Variants in ADGRL2 observed in about 807,000 individuals in gnomAD.
The protein encoded by ADGRL2 is calcium-independent alpha-latrotoxin receptor 2.
In ADGRL2, 44 loss-of-function variants were observed where a neutral mutation model predicts 157.4. The observed-to-expected ratio is 0.28, with a 90% CI of 0.22 to 0.36. ADGRL2 has a LOEUF of 0.36. Among genes scored for constraint, ADGRL2 ranks in the 10% least tolerant of loss-of-function variants. ADGRL2 has a pLI of 1.00. For missense variants in ADGRL2, 1,510 were observed against 1,768.9 expected, an observed-to-expected ratio of 0.85 and a Z score of 2.63; for synonymous variants, 585 against 624.7, an observed-to-expected ratio of 0.94 and a Z score of 0.95.
rs185354832 is a variant in ADGRL2, at chr1:81,428,151, G to T, written c.-301-16885G>T. Among the ~76,000 whole-genome samples the T allele has an allele frequency of 3.0e-3, 451 of 152,220 alleles. 3 individuals are homozygous for T. The highest frequency in any genetic ancestry group is 0.01 in the African/African-American group (434 of 41,532). ...AAAGAAACATTTGCTGACTTGCAAT[G>T]TAAGGGGAATCTATTCTCCCCATTT... is the stretch of plus-strand genomic sequence containing the variant. On this transcript the variant is annotated intron_variant, in intron 1 of 24. Coordinates refer to the ADGRL2 transcript ENST00000370721.
chr1:81,823,112 C>T (rs1015142985), intron 1 of ADGRL2, among the ~76,000 whole-genome samples: 6 of 151,032 alleles, frequency 4.0e-5, no homozygotes, highest in East Asian at 1.9e-4. Flanking sequence ...AGGAGGTCTC[C>T]GAGTTAGTTC....
intron 1 of ADGRL2, among the ~76,000 whole-genome samples, chr1:81,819,188 A>G (rs2090731152): frequency 6.6e-6 from 1 of 152,196 alleles, no homozygotes; most frequent in African/African-American, 2.4e-5. Context: ...GGTGGACGAC[A>G]GTCCTTGGTG....
At chr1:81,796,818 C>A (rs2087612976), upstream of ADGRL2, among the ~76,000 whole-genome samples, 1 of 152,096 alleles carries the variant, frequency 6.6e-6, no homozygotes, top group South Asian at 2.1e-4. Flanking sequence ...TTACATTATA[C>A]TTTAAACTGT....
chr1:81,641,100 T>C (rs1401751814), intron 3 of ADGRL2, among the ~76,000 whole-genome samples: 5 of 152,246 alleles, frequency 3.3e-5, no homozygotes, highest in Non-Finnish European at 7.3e-5. Flanking sequence ...TAATTCTATT[T>C]ATGGAATGAA....
intron 19 of ADGRL2, 41 bp downstream of exon 19, chr1:81,982,017 C>A (rs1312100267): frequency 1.3e-6 from 2 of 1,514,554 alleles, no homozygotes; most frequent in African/African-American, 1.4e-5. Context: ...GTTACTCATT[C>A]TTTGATTTGA....
chr1:81,958,176 G>C (rs1372303203), intron 11 of ADGRL2, among the ~76,000 whole-genome samples: 1 of 151,890 alleles, frequency 6.6e-6, no homozygotes, highest in Non-Finnish European at 1.5e-5. Context: ...AGAATCCCTC[G>C]AACCTGGGAG....
At chr1:81,735,414 C>G (rs1473585324) in intron 1 of ADGRL2, 1 of 151,082 alleles carries the variant, frequency 6.6e-6, no homozygotes, top group Non-Finnish European at 1.5e-5. Context: ...TACCACATAC[C>G]AATGACCTCC....
intron 1 of ADGRL2, among the ~76,000 whole-genome samples, chr1:81,352,941 T>C (rs1285355552): frequency 1.3e-5 from 2 of 152,084 alleles, no homozygotes; most frequent in Admixed American, 1.3e-4. Context: ...ACAAAACAAT[T>C]TTTTTTAAAT....
At chr1:81,332,118 A>G (rs1176971162) in intron 1 of ADGRL2, among the ~76,000 whole-genome samples, 2 of 152,184 alleles carry the variant, frequency 1.3e-5, no homozygotes, top group African/African-American at 4.8e-5. Context: ...ATGTCATGAT[A>G]GAAGGTTTCC....
intron 1 of ADGRL2, among the ~76,000 whole-genome samples, chr1:81,823,859 A>C (rs10157355): frequency 0.14 from 21,361 of 152,170 alleles, 1,664 homozygotes; most frequent in East Asian, 0.2. Flanking sequence ...GAGCAAATTA[A>C]ATAATATTTA....
chr1:81,431,525 A>G (rs1332396564), intron 1 of ADGRL2, among the ~76,000 whole-genome samples: 3 of 152,196 alleles, frequency 2.0e-5, no homozygotes, highest in Non-Finnish European at 4.4e-5. Context: ...CTGAAGACAG[A>G]GAATTAGCAG....
intron 8 of ADGRL2, 76 bp downstream of exon 8, chr1:81,951,197 G>A (rs1651685201): frequency 3.4e-5 from 34 of 1,011,294 alleles, no homozygotes; most frequent in Middle Eastern, 4.2e-4. Context: ...TTAGCTTTGT[G>A]TGTTAAAACC....
At chr1:81,776,671 C>T (rs1251820126) in intron 2 of ADGRL2, among the ~76,000 whole-genome samples, 1 of 152,110 alleles carries the variant, frequency 6.6e-6, no homozygotes, top group African/African-American at 2.4e-5. Flanking sequence ...ATAATTTGGT[C>T]ATCACATGTA....
intron 1 of ADGRL2, among the ~76,000 whole-genome samples, chr1:81,344,666 C>G (rs1210799677): frequency 1.8e-5 from 1 of 56,024 alleles, no homozygotes; most frequent in Non-Finnish European, 3.4e-5. Flanking sequence ...AACTCTGTCT[C>G]AAAAAAAAAA....
intron 1 of ADGRL2, among the ~76,000 whole-genome samples, chr1:81,829,906 A>G (rs1297546299): frequency 6.6e-6 from 1 of 152,180 alleles, no homozygotes; most frequent in Non-Finnish European, 1.5e-5. Flanking sequence ...AGGTTGAGCC[A>G]CGATTCTATA....
At chr1:81,338,864 C>G (rs984231130) in intron 1 of ADGRL2, among the ~76,000 whole-genome samples, 1 of 152,196 alleles carries the variant, frequency 6.6e-6, no homozygotes, top group Non-Finnish European at 1.5e-5. Context: ...TCACTAAACT[C>G]TGCTCTTGAC....
chr1:81,914,859 A>G (rs1431207617), intron 3 of ADGRL2, among the ~76,000 whole-genome samples: 3 of 152,220 alleles, frequency 2.0e-5, no homozygotes, highest in African/African-American at 7.2e-5. Context: ...AATTGGACAC[A>G]TACTTTGCAT....
At chr1:81,378,133 C>T (rs931643455) in intron 1 of ADGRL2, among the ~76,000 whole-genome samples, 5 of 151,424 alleles carry the variant, frequency 3.3e-5, no homozygotes, top group African/African-American at 7.3e-5. Flanking sequence ...GAGCCGAGAT[C>T]GTGCCACTGC....
At chr1:81,752,723 G>T (rs988696268) in intron 1 of ADGRL2, among the ~76,000 whole-genome samples, 1 of 152,078 alleles carries the variant, frequency 6.6e-6, no homozygotes, top group Non-Finnish European at 1.5e-5. Context: ...CCATGTTGCT[G>T]GGATACAGCC....
Sources: gnomAD v4.1 joint callset for allele counts (sites outside exome capture counted in the v4.1 genomes callset) on GRCh38, gnomAD v4.1.1 for gene constraint, MANE v1.5 for transcripts, NCBI Gene and HGNC (gene_info 2026-07-23, HGNC 2026-07-21) for gene names.